Variants in NEMF observed in about 807,000 individuals in gnomAD.
The protein encoded by NEMF is nuclear export mediator factor.
Under a neutral mutation model 162.2 loss-of-function variants are expected in NEMF, and 89 were observed. The ratio of observed to expected loss-of-function variants is 0.55; its 90% CI spans 0.46 to 0.65. NEMF has a LOEUF of 0.65. NEMF is among the 30% of genes least tolerant of loss of function. The pLI is 0.00. For synonymous variants in NEMF, 421 were observed against 404.5 expected, an observed-to-expected ratio of 1.04 and a Z score of -0.49; for missense variants, 1,133 against 1,261.9, an observed-to-expected ratio of 0.90 and a Z score of 1.55.
chr14:49,837,942 C>T (rs1892989801), intron 6 of NEMF, among the ~76,000 whole-genome samples, 197 bp downstream of exon 6: 1 of 151,978 alleles, frequency 6.6e-6, no homozygotes, highest in Non-Finnish European at 1.5e-5. Flanking sequence ...ACACAATCTG[C>T]ATTGCTTTTA....
chr14:49,787,669 G>T (rs1178699455), intron 28 of NEMF, among the ~76,000 whole-genome samples: 1 of 152,160 alleles, frequency 6.6e-6, no homozygotes, highest in African/African-American at 2.4e-5. Flanking sequence ...TATATGAATT[G>T]TGGGGGGATA....
chr14:49,799,605 G>T, intron 24 of NEMF, 31 bp downstream of exon 24: 1 of 1,600,888 alleles, frequency 6.2e-7, no homozygotes, highest in Non-Finnish European at 8.5e-7. Context: ...CTGAGAATCG[G>T]ATGTTCTTCA....
chr14:49,820,977 G>A (rs1219319777), intron 16 of NEMF, among the ~76,000 whole-genome samples: 1 of 137,572 alleles, frequency 7.3e-6, no homozygotes, highest in African/African-American at 2.7e-5. Flanking sequence ...TCTAGGAAGT[G>A]AGGAGCGTCT....
chr14:49,837,200 C>T (rs1033808015), intron 6 of NEMF, among the ~76,000 whole-genome samples: 18 of 152,150 alleles, frequency 1.2e-4, no homozygotes, highest in African/African-American at 4.3e-4. Flanking sequence ...TGCTTGAACC[C>T]GGGAGGCAGA....
Position 49,842,593 on chromosome 14 carries a change from G to A in NEMF, c.358-1727C>T, listed in dbSNP as rs572364573. Among the ~76,000 whole-genome samples, 28 of 152,324 alleles carry A rather than the reference G, an allele frequency of 1.8e-4. No individual in the cohort carries two copies. In the South Asian group the frequency reaches 5.2e-3, roughly 28 times the overall value. On this transcript the variant is annotated intron_variant, in intron 4 of 32. Transcript: ENST00000298310. ...TGTTTACAAGATAGTCACAGAATAC[G>A]GTGGGAGTAATCCCAAATTCATCTG...
At chr14:49,811,139 T>C (rs1891459734) in intron 18 of NEMF, among the ~76,000 whole-genome samples, 1 of 152,228 alleles carries the variant, frequency 6.6e-6, no homozygotes, top group African/African-American at 2.4e-5. Context: ...AATAATTTTA[T>C]AGTTTGTTAT....
intron 22 of NEMF, 77 bp from the exon 23 acceptor site, chr14:49,800,773 T>C: frequency 7.5e-7 from 1 of 1,336,900 alleles, no homozygotes; most frequent in Non-Finnish European, 1.0e-6. Flanking sequence ...GTCATAAAAA[T>C]ATTCCACTGT....
At position 49,782,803 on chromosome 14, in the gene NEMF, C is replaced by T. The variant is rs562469178; in HGVS notation, c.*1833G>A. The T allele has an allele frequency of 1.6e-5, 26 of 1,602,980 alleles. No individual in the cohort carries two copies. In the African/African-American group the frequency reaches 3.0e-4, roughly 18 times the overall value. On this transcript the variant is annotated 3_prime_UTR_variant, in exon 33 of 33. Coordinates refer to ENST00000298310, the MANE Select transcript of NEMF (RefSeq NM_004713.6). Reference sequence around the variant, plus strand: ...ACTTCCAAACAGTAAAGTGAAATTACTTTTCTCTTTCCTTGTCCACTTTCA... The same window carrying T: ...ACTTCCAAACAGTAAAGTGAAATTATTTTTCTCTTTCCTTGTCCACTTTCA...
At chr14:49,841,578 G>GAAAAAAAAAAAAAAAAAAAA (rs535773426) in intron 4 of NEMF, among the ~76,000 whole-genome samples, 2 of 73,314 alleles carry the variant, frequency 2.7e-5, no homozygotes, top group African/African-American at 9.5e-5. Context: ...CTCGTCTTAA[G>GAAAAAAAAAAAAAAAAAAAA]AAAAAAAAAA....
chr14:49,819,709 C>T (rs374496732), intron 16 of NEMF, among the ~76,000 whole-genome samples: 1 of 152,156 alleles, frequency 6.6e-6, no homozygotes, highest in East Asian at 1.9e-4. Flanking sequence ...GCCACCGCAC[C>T]TAGCCTATCC....
chr14:49,818,763 T>TGACTCTC (rs1188725381), intron 16 of NEMF, among the ~76,000 whole-genome samples: 16 of 151,916 alleles, frequency 1.1e-4, no homozygotes, highest in Non-Finnish European at 1.9e-4. Context: ...TCTCAGCCTA[T>TGACTCTC]TATTTCCACT....
chr14:49,828,929 C>A, intron 13 of NEMF, 122 bp from the exon 14 acceptor site: 1 of 1,277,490 alleles, frequency 7.8e-7, no homozygotes, highest in Non-Finnish European at 1.1e-6. Context: ...TTATTTTAAT[C>A]TAAATTAGTT....
chr14:49,815,400 A>T (rs537915521), intron 16 of NEMF, among the ~76,000 whole-genome samples: 4 of 152,346 alleles, frequency 2.6e-5, no homozygotes, highest in African/African-American at 9.6e-5. Flanking sequence ...TGCAAGATAA[A>T]AAGTACAGAG....
At chr14:49,818,106 G>A (rs1385391553) in intron 16 of NEMF, among the ~76,000 whole-genome samples, 2 of 123,832 alleles carry the variant, frequency 1.6e-5, no homozygotes, top group Non-Finnish European at 1.6e-5. Flanking sequence ...TTTTTTTTCC[G>A]AGACAGAGTC....
chr14:49,835,580 A>G (rs1266967932), intron 6 of NEMF, among the ~76,000 whole-genome samples: 2 of 152,212 alleles, frequency 1.3e-5, no homozygotes, highest in Non-Finnish European at 2.9e-5. Flanking sequence ...GAAGGACTGA[A>G]TATTATCCCC....
chr14:49,813,819 G>C (rs1218174170), intron 18 of NEMF, among the ~76,000 whole-genome samples, 169 bp downstream of exon 18: 4 of 151,928 alleles, frequency 2.6e-5, no homozygotes, highest in Non-Finnish European at 5.9e-5. Flanking sequence ...GCCCAGTCTG[G>C]TCTCAAACTC....
chr14:49,797,685 T>C (rs1890754220), intron 25 of NEMF, among the ~76,000 whole-genome samples: 1 of 152,178 alleles, frequency 6.6e-6, no homozygotes, highest in African/African-American at 2.4e-5. Flanking sequence ...CATAAAACTT[T>C]CCTAATTTCA....
intron 4 of NEMF, among the ~76,000 whole-genome samples, chr14:49,845,416 T>A (rs1363973351): frequency 6.6e-6 from 1 of 152,190 alleles, no homozygotes; most frequent in East Asian, 1.9e-4. Flanking sequence ...GCCTGAGTCA[T>A]TGCGCTCAGC....
At chr14:49,786,198 A>T (rs1890171707) in intron 29 of NEMF, 1 of 157,082 alleles carries the variant, frequency 6.4e-6, no homozygotes, top group Non-Finnish European at 1.4e-5. Context: ...TGAATGGGAC[A>T]GACCCCACAA....
Sources: allele counts gnomAD v4.1 joint callset (sites outside exome capture counted in the v4.1 genomes callset), GRCh38; gene constraint gnomAD v4.1.1; transcripts MANE v1.5; gene names NCBI Gene and HGNC (gene_info 2026-07-23, HGNC 2026-07-21).